Variants in FASTK observed in about 807,000 individuals in gnomAD.
FASTK encodes the protein Fas activated serine/threonine kinase, also known as fas-activated serine/threonine kinase.
In FASTK, 28 loss-of-function variants were observed where a neutral mutation model predicts 60.0. The observed-to-expected ratio is 0.47, with a 90% CI of 0.35 to 0.64. The LOEUF is 0.64. Among genes scored for constraint, FASTK ranks in the 30% least tolerant of loss-of-function variants. The pLI, the probability that FASTK is intolerant of heterozygous loss-of-function variation, is 0.01. For missense variants in FASTK, 595 were observed against 713.8 expected, an observed-to-expected ratio of 0.83 and a Z score of 1.90; for synonymous variants, 325 against 307.9, an observed-to-expected ratio of 1.06 and a Z score of -0.58.
chr7:151,077,984 G>A lies in FASTK; in HGVS notation c.934C>T (p.Pro312Ser), dbSNP rs1022697252. The A allele has an allele frequency of 6.2e-7, 1 of 1,613,188 alleles. No individual in the cohort carries two copies. The highest frequency in any genetic ancestry group is 8.5e-7 in the Non-Finnish European group (1 of 1,179,414). Residue 312 changes from proline (P) to serine (S), a missense_variant, in exon 5 of 10, where the codon CCC becomes TCC. By Grantham distance (74) the Pro-to-Ser change is moderately conservative. Transcript: ENST00000297532. ...ATCAAGATGTTGACTGTAGCCAGGGGTGCCACCCCTGCTTCCCGAGCCAGG... is the reference window on the plus strand; with the variant it reads ...ATCAAGATGTTGACTGTAGCCAGGGATGCCACCCCTGCTTCCCGAGCCAGG... ...RILAREAGVA[P>S]LATVNILMSL...
chr7:151,078,849 G>T lies in FASTK; in HGVS notation c.678C>A (p.Ser226Arg), dbSNP rs1797817946. 6.2e-7 allele frequency: 1 copy of T among 1,607,940 alleles called. No individual in the cohort carries two copies. The highest frequency in any genetic ancestry group is 1.3e-5 in the African/African-American group (1 of 74,594). ...LRYPRQHLIS[S>R]LAEARPEELT... ...TTTAACCCCCTCCAGCACCTGCCAG[G>T]CTGCTGATCAGATGCTGCCGTGGAT... Residue 226 changes from serine to arginine, a missense_variant, in exon 3 of 10, where the codon AGC (serine) becomes AGA (arginine). Coordinates refer to ENST00000297532, the MANE Select transcript of FASTK (RefSeq NM_006712.5).
chr7:151,078,519 T>A, intron 4 of FASTK, 43 bp downstream of exon 4: 1 of 1,599,528 alleles, frequency 6.3e-7, no homozygotes, highest in Non-Finnish European at 8.6e-7. Flanking sequence ...ACAAGGTCCC[T>A]GAGAATGACA....
Position 151,076,866 on chromosome 7 carries a change from C to A in FASTK, c.1543-34G>T, listed in dbSNP as rs778769725. ...AGAGGAGAGGGCGGCAGGTTACCCGCAGGCTGGGAGTGAGGATGCGCCACG... is the reference window on the plus strand; with the variant it reads ...AGAGGAGAGGGCGGCAGGTTACCCGAAGGCTGGGAGTGAGGATGCGCCACG... On this transcript the variant is annotated intron_variant, in intron 9 of 9. Transcript: ENST00000297532. 9.4e-6 allele frequency: 15 copies of A among 1,600,394 alleles called. No homozygotes were observed. In the African/African-American group the frequency reaches 2.0e-4, roughly 21 times the overall value.
Position 151,077,894 on chromosome 7 carries a change from T to A in FASTK, c.1024A>T (p.Ile342Phe). The change falls in exon 5 of 10, where the codon ATC becomes TTC. Residue 342 changes from isoleucine to phenylalanine, a missense_variant. Transcript: ENST00000297532. ...ALHFVFSPGF[I>F]NYISGTPHAL... ...GGCTGCGTACCACTGATGTAGTTGA[T>A]GAAGCCAGGGGAAAAAACAAAGTGC... The A allele has an allele frequency of 1.2e-6, 2 of 1,613,482 alleles. No individual in the cohort carries two copies. The highest frequency in any genetic ancestry group is 1.7e-6 in the Non-Finnish European group (2 of 1,179,722).
At position 151,077,362 on chromosome 7, in the gene FASTK, C is replaced by T. The variant is rs781161737; in HGVS notation, c.1239G>A (p.Leu413=). Reference sequence around the variant, plus strand: ...GGTCCTGGCGGTATTTCTCCTCCCCCAGCAGCTGGCGCAACCCCTCAGCTA... The same window carrying T: ...GGTCCTGGCGGTATTTCTCCTCCCCTAGCAGCTGGCGCAACCCCTCAGCTA... ...DIVAEGLRQL[L]GEEKYRQDLT... The change falls in exon 7 of 10, where the codon CTG becomes CTA. Residue 413 remains leucine, a synonymous_variant. Transcript: ENST00000297532. 1 of 1,612,798 alleles carries T rather than the reference C, an allele frequency of 6.2e-7. No homozygotes were observed. The highest frequency in any genetic ancestry group is 1.3e-5 in the African/African-American group (1 of 74,946).
At chr7:151,079,269 TG>T in intron 2 of FASTK, 1 of 587,104 alleles carries the variant, frequency 1.7e-6, no homozygotes, top group Non-Finnish European at 2.9e-6. Context: ...TGACAAATTA[TG>T]GTGGCTTCCT....
At position 151,079,802 on chromosome 7, in the gene FASTK, CA is replaced by C; in HGVS notation, c.202del (p.Trp68GlyfsTer75). 1.2e-6 allele frequency: 2 copies of C among 1,600,714 alleles called. No homozygotes were observed. The highest frequency in any genetic ancestry group is 1.7e-6 in the Non-Finnish European group (2 of 1,173,688). ...GCCTCCTCCAACAGGCCGGTCCCCCCATTTGCTGGGCCCCAAACAGCAGGGC... is the reference window on the plus strand; with the variant it reads ...GCCTCCTCCAACAGGCCGGTCCCCCCTTTGCTGGGCCCCAAACAGCAGGGC... ...VQPCCLGPSK[W>X]GDRPVGGGPS... On this transcript the variant is annotated frameshift_variant, in exon 2 of 10. Transcript: ENST00000297532. LOFTEE classifies it high-confidence loss of function.
At chr7:151,080,045 C>T (rs1365919224) in intron 1 of FASTK, 123 bp from the exon 2 acceptor site, 1 of 828,306 alleles carries the variant, frequency 1.2e-6, no homozygotes, top group East Asian at 2.7e-5. Context: ...TGTGACTGCT[C>T]TGGGCCTCTT....
rs35031898 is a variant in FASTK, at chr7:151,076,853, G to A, written c.1543-21C>T. ...GGTAGCTGTGGGGAGAGGAGAGGGC[G>A]GCAGGTTACCCGCAGGCTGGGAGTG... On this transcript the variant is annotated intron_variant, in intron 9 of 9. Coordinates refer to ENST00000297532, the MANE Select transcript of FASTK (RefSeq NM_006712.5). 1.8e-3 allele frequency: 2,831 copies of A among 1,603,098 alleles called. 19 individuals are homozygous for A. In the Middle Eastern group the frequency reaches 0.028, roughly 16 times the overall value.
At position 151,080,610 on chromosome 7, in the gene FASTK, G is replaced by A. The variant is rs1797936765; in HGVS notation, c.82+75C>T. ...CACCCACCCCGGCCCAGGGACGCCA[G>A]GAGACCGTGGCCGCTGCCGCTAACA... On this transcript the variant is annotated intron_variant, in intron 1 of 9. Transcript: ENST00000297532. 12 of 1,368,584 alleles carry A rather than the reference G, an allele frequency of 8.8e-6. No homozygotes were observed. In the South Asian group the frequency reaches 1.5e-4, roughly 17 times the overall value. 84.8% of individuals were successfully genotyped at this position (1,368,584 alleles called of 1,614,324 possible).
At chr7:151,078,804 C>T in intron 3 of FASTK, 38 bp downstream of exon 3, 1 of 1,607,400 alleles carries the variant, frequency 6.2e-7, no homozygotes, top group Non-Finnish European at 8.5e-7. Context: ...TCCTGTCAGC[C>T]CTCCCCACCC....
intron 5 of FASTK, 29 bp downstream of exon 5, chr7:151,077,850 G>A (rs774215786): frequency 1.2e-6 from 2 of 1,604,490 alleles, no homozygotes; most frequent in Non-Finnish European, 1.7e-6. Context: ...CAGCCCTCAG[G>A]GGCCCAGCCA....
chr7:151,079,231 C>G, intron 2 of FASTK: 1 of 578,348 alleles, frequency 1.7e-6, no homozygotes, highest in Non-Finnish European at 3.0e-6. Context: ...ACAAAGATGG[C>G]AAATAGGCTT....
At chr7:151,077,570 T>C (rs766364488) in intron 6 of FASTK, 51 bp downstream of exon 6, 35 of 1,527,566 alleles carry the variant, frequency 2.3e-5, no homozygotes, top group Non-Finnish European at 3.0e-5. Context: ...GCTTTTCCAC[T>C]CTGCTGGTCC....
chr7:151,078,950 G>C lies in FASTK; in HGVS notation c.577C>G (p.Pro193Ala), dbSNP rs1335832317. 26 of 1,566,608 alleles carry C rather than the reference G, an allele frequency of 1.7e-5. No individual in the cohort carries two copies. In the East Asian group the frequency reaches 5.7e-4, roughly 34 times the overall value. The change falls in exon 3 of 10, where the codon CCT becomes GCT. Residue 193 changes from proline to alanine, a missense_variant. Pro to Ala is a conservative substitution (Grantham distance 27). This residue lies in a region of FASTK where 471 missense variants were observed against 605.9 expected (regional missense o/e 0.78). Coordinates refer to ENST00000297532, the MANE Select transcript of FASTK (RefSeq NM_006712.5). ...ERRLRLPPKP[P>A]PPLQPLLRGG... ...CGGAGAAGGGGCTGCAAAGGGGGAGGTGGCTTCGGAGGGAGGCGGAGCCTT... is the reference window on the plus strand; with the variant it reads ...CGGAGAAGGGGCTGCAAAGGGGGAGCTGGCTTCGGAGGGAGGCGGAGCCTT...
intron 1 of FASTK, chr7:151,080,401 A>T (rs895491384): frequency 4.7e-6 from 5 of 1,072,596 alleles, no homozygotes; most frequent in Non-Finnish European, 5.9e-6. Context: ...CCGCGGCTGG[A>T]CGGTGCTGGG....
intron 1 of FASTK, 125 bp downstream of exon 1, chr7:151,080,560 G>C: frequency 2.3e-6 from 3 of 1,317,588 alleles, no homozygotes; most frequent in Non-Finnish European, 1.9e-6. Context: ...CGATGGCGCG[G>C]AGTCGGCGAA....
Position 151,076,692 on chromosome 7 carries a change from T to C in FASTK, c.*33A>G. On this transcript the variant is annotated 3_prime_UTR_variant, in exon 10 of 10. Coordinates refer to ENST00000297532, the MANE Select transcript of FASTK (RefSeq NM_006712.5). Reference sequence around the variant, plus strand: ...CAAAGTGCAAATCATCCACCCCCCATGGGGGGGCCATCCTGAACCCCACAT... The same window carrying C: ...CAAAGTGCAAATCATCCACCCCCCACGGGGGGGCCATCCTGAACCCCACAT... 1.5e-6 allele frequency: 2 copies of C among 1,370,926 alleles called. No homozygotes were observed. Among genetic ancestry groups the C allele is most frequent in the Admixed American group, 2.4e-5 (1 of 41,588 alleles). The allele number at this position is 1,370,926 out of a possible 1,614,324, so 84.9% of individuals were successfully genotyped here.
At chr7:151,078,212 T>C in intron 4 of FASTK, 120 bp from the exon 5 acceptor site, 1 of 756,750 alleles carries the variant, frequency 1.3e-6, no homozygotes, top group African/African-American at 1.8e-5. Context: ...GACAGGACAG[T>C]CCCTCCGGCC....
Sources: allele counts gnomAD v4.1 joint callset, GRCh38; gene constraint gnomAD v4.1.1; regional missense constraint gnomAD v4.1.1; transcripts MANE v1.5; gene names NCBI Gene and HGNC (gene_info 2026-07-23, HGNC 2026-07-21).